CYTH1: variants seen among roughly 807,000 people sequenced by gnomAD.
The protein encoded by CYTH1 is cytohesin-1.
CYTH1 carries 18 observed loss-of-function variants against 61.8 expected under a neutral mutation model. The ratio of observed to expected loss-of-function variants is 0.29; its 90% CI spans 0.20 to 0.43. The LOEUF (loss-of-function observed/expected upper bound fraction) is 0.43. Ranked by LOEUF, CYTH1 falls within the 20% of genes least tolerant of loss-of-function variation. CYTH1 has a pLI of 1.00. For synonymous variants in CYTH1, 174 were observed against 184.3 expected (o/e 0.94, Z 0.45); for missense variants, 336 against 510.5 (o/e 0.66, Z 3.29).
chr17:78,677,550 G>A (rs185252463), intron 13 of CYTH1: 5 of 161,662 alleles, frequency 3.1e-5, no homozygotes, highest in African/African-American at 7.2e-5. Flanking sequence ...GATGGCAGCC[G>A]CTGTTACCGC....
At position 78,710,945 on chromosome 17, in the gene CYTH1, G is replaced by A. The variant is rs2093122389; in HGVS notation, c.23-1213C>T. ...TAACCACTTGAAATGTCACCACCCA[G>A]TTTGAGATGTGCTGTAGGTAAAAAA... On this transcript the variant is annotated intron_variant, in intron 1 of 13. Coordinates refer to ENST00000446868, the MANE Select transcript of CYTH1 (RefSeq NM_004762.6). Among the ~76,000 whole-genome samples, 3 of 152,118 alleles carry A rather than the reference G, an allele frequency of 2.0e-5. 1 individual carries two copies. In the South Asian group the frequency reaches 6.2e-4, roughly 31 times the overall value.
Position 78,741,531 on chromosome 17 carries a change from C to A in CYTH1, c.23-31799G>T, listed in dbSNP as rs576767784. ...GTGTGCAGAAAGGTAAGATAGGCAC[C>A]ACCTATAAAAGTGAGGGCAGAGTTT... On this transcript the variant is annotated intron_variant, in intron 1 of 13. Transcript: ENST00000446868. 2.6e-5 allele frequency among the ~76,000 whole-genome samples: 4 copies of A among 152,094 alleles called. No individual in the cohort carries two copies. The South Asian group carries it at 8.3e-4, about 32-fold the overall frequency.
In CYTH1 at chr17:78,674,214, A is replaced by C. The variant is rs539365079; in HGVS notation, c.*1877T>G. ...TATTTTGACAAAACTTCTTTTAAAC[A>C]AATACAAAATAATCTAAAAGGAGAA... is the stretch of plus-strand genomic sequence containing the variant. On this transcript the variant is annotated 3_prime_UTR_variant, in exon 14 of 14. Transcript: ENST00000446868. 3 of 152,820 alleles carry C rather than the reference A, an allele frequency of 2.0e-5. No individual in the cohort carries two copies. The East Asian group carries it at 5.8e-4, about 29-fold the overall frequency. 9.5% of individuals were successfully genotyped at this position (152,820 alleles called of 1,614,324 possible).
chr17:78,725,309 T>C (rs1207282600), intron 1 of CYTH1, among the ~76,000 whole-genome samples: 1 of 152,176 alleles, frequency 6.6e-6, no homozygotes, highest in Non-Finnish European at 1.5e-5. Flanking sequence ...ACTTGGTAAA[T>C]AACCAGGTGA....
intron 1 of CYTH1, among the ~76,000 whole-genome samples, chr17:78,730,144 C>T (rs563207836): frequency 6.6e-6 from 1 of 151,976 alleles, no homozygotes; most frequent in Non-Finnish European, 1.5e-5. Flanking sequence ...TGTGGTCTCT[C>T]GTCTGAATTC....
At chr17:78,683,259 C>T (rs1288588207) in intron 11 of CYTH1, among the ~76,000 whole-genome samples, 2 of 152,108 alleles carry the variant, frequency 1.3e-5, no homozygotes, top group Non-Finnish European at 2.9e-5. Context: ...CTTCCTGGAC[C>T]CCTCCCTCTC....
At chr17:78,781,589 C>G (rs2093518027) in intron 1 of CYTH1, among the ~76,000 whole-genome samples, 1 of 152,142 alleles carries the variant, frequency 6.6e-6, no homozygotes, top group South Asian at 2.1e-4. Context: ...CTCCCGCGGG[C>G]AGGGCCGTCC....
At chr17:78,771,233 G>C (rs2093470200) in intron 1 of CYTH1, among the ~76,000 whole-genome samples, 1 of 152,090 alleles carries the variant, frequency 6.6e-6, no homozygotes, top group Non-Finnish European at 1.5e-5. Context: ...TTGCATGCCA[G>C]CCTGGGCAAT....
rs373160969 is a variant in CYTH1, at chr17:78,764,047, G to A, written c.22+18155C>T. Among the ~76,000 whole-genome samples the A allele has an allele frequency of 2.9e-3, 441 of 152,126 alleles. 3 individuals are homozygous for A. Among genetic ancestry groups the A allele is most frequent in the African/African-American group, 9.6e-3 (399 of 41,508 alleles). ...AATCGCTTGAACCCGGGAGGCAGAGGTTGCAGTGAGCCAAGATCCCATCAC... is the reference window on the plus strand; with the variant it reads ...AATCGCTTGAACCCGGGAGGCAGAGATTGCAGTGAGCCAAGATCCCATCAC... On this transcript the variant is annotated intron_variant, in intron 1 of 13. Coordinates refer to ENST00000446868, the MANE Select transcript of CYTH1 (RefSeq NM_004762.6).
At chr17:78,703,509 G>A (rs1171020006) in intron 3 of CYTH1, among the ~76,000 whole-genome samples, 2 of 149,878 alleles carry the variant, frequency 1.3e-5, no homozygotes, top group Non-Finnish European at 3.0e-5. Flanking sequence ...TACTTACTAA[G>A]TTGTGCAACA....
At chr17:78,778,906 G>C (rs998153501) in intron 1 of CYTH1, among the ~76,000 whole-genome samples, 1 of 152,128 alleles carries the variant, frequency 6.6e-6, no homozygotes, top group Non-Finnish European at 1.5e-5. Flanking sequence ...TGTGGGATCT[G>C]GTCAAGGTAA....
Position 78,756,083 on chromosome 17 carries a change from T to TTA in CYTH1, c.22+26118_22+26119insTA, listed in dbSNP as rs2093399932. Reference sequence around the variant, plus strand: ...TTTATTTATTTATTTATTTTTATTTTTTTTTTTTTTGAGACAGAGTCTTGC... The same window carrying TTA: ...TTTATTTATTTATTTATTTTTATTTTTATTTTTTTTTTGAGACAGAGTCTTGC... On this transcript the variant is annotated intron_variant, in intron 1 of 13. Transcript: ENST00000446868. Among the ~76,000 whole-genome samples, 3 of 145,652 alleles carry TTA rather than the reference T, an allele frequency of 2.1e-5. 1 individual carries two copies. The South Asian group carries it at 6.4e-4, about 31-fold the overall frequency.
chr17:78,765,190 A>G (rs2093443668), intron 1 of CYTH1, among the ~76,000 whole-genome samples: 1 of 152,062 alleles, frequency 6.6e-6, no homozygotes, highest in Admixed American at 6.5e-5. Context: ...GTCCCAAGGA[A>G]CAGGAGCAGG....
chr17:78,689,690 C>A (rs907348319), intron 11 of CYTH1, among the ~76,000 whole-genome samples: 1 of 152,206 alleles, frequency 6.6e-6, no homozygotes, highest in African/African-American at 2.4e-5. Context: ...TCATGGGAGA[C>A]CCTCCATGGA....
At chr17:78,758,855 G>C (rs1384832842) in intron 1 of CYTH1, among the ~76,000 whole-genome samples, 2 of 152,100 alleles carry the variant, frequency 1.3e-5, no homozygotes, top group African/African-American at 4.8e-5. Flanking sequence ...TTGAGGTCAG[G>C]GGCACCAGCA....
rs560025353 is a variant in CYTH1 at position 78,774,956 on chromosome 17, C to T, written c.22+7246G>A. Among the ~76,000 whole-genome samples the T allele has an allele frequency of 6.6e-5, 10 of 152,368 alleles. No homozygotes were observed. The South Asian group carries it at 1.2e-3, about 19-fold the overall frequency. ...CCCCCGAAGTACCCACCAGGGCATT[C>T]GGCATGGGAAATCGGGTTAGAACTG... On this transcript the variant is annotated intron_variant, in intron 1 of 13. Transcript: ENST00000446868.
intron 1 of CYTH1, among the ~76,000 whole-genome samples, chr17:78,767,721 A>C (rs1355511170): frequency 1.3e-5 from 2 of 152,172 alleles, no homozygotes; most frequent in Non-Finnish European, 2.9e-5. Context: ...TGGTGATAAA[A>C]GTTTAAAAAT....
Position 78,675,716 on chromosome 17 carries a change from A to G in CYTH1, c.*375T>C, listed in dbSNP as rs2092691001. On this transcript the variant is annotated 3_prime_UTR_variant, in exon 14 of 14. Transcript: ENST00000446868. ...TTAACATATAATAATATATGGACAC[A>G]TGTATTTATGGTGCAGGGTTTGAAG... The G allele has an allele frequency of 5.9e-6, 3 of 508,574 alleles. No individual in the cohort carries two copies. Among genetic ancestry groups the G allele is most frequent in the Non-Finnish European group, 1.0e-5 (3 of 293,756 alleles). The allele number at this position is 508,574 out of a possible 1,614,324, so 31.5% of individuals were successfully genotyped here.
intron 1 of CYTH1, among the ~76,000 whole-genome samples, chr17:78,733,442 T>A (rs186097217): frequency 2.0e-4 from 30 of 152,212 alleles, no homozygotes; most frequent in Admixed American, 2.0e-3. Context: ...GGTCACCGGC[T>A]GCATCCTCAG....
Sources: allele counts gnomAD v4.1 joint callset (sites outside exome capture counted in the v4.1 genomes callset), GRCh38; gene constraint gnomAD v4.1.1; transcripts MANE v1.5; gene names NCBI Gene and HGNC (gene_info 2026-07-23, HGNC 2026-07-21).